The following COA1 variants were observed in gnomAD, a reference collection of about 807,000 sequenced individuals.
COA1 encodes the protein cytochrome c oxidase assembly factor 1.
A neutral mutation model predicts 16.0 loss-of-function variants in COA1; 13 were observed. The ratio of observed to expected loss-of-function variants is 0.81; its 90% CI spans 0.53 to 1.29. COA1 has a LOEUF of 1.29. Ranked by LOEUF, COA1 falls within the 50% of genes most tolerant of loss-of-function variation. COA1 has a pLI of 0.00. For synonymous variants in COA1, 65 were observed against 65.7 expected, an observed-to-expected ratio of 0.99 and a Z score of 0.05; for missense variants, 179 against 177.0, an observed-to-expected ratio of 1.01 and a Z score of -0.06.
chr7:43,691,256 GAAAGAAAGA>G (rs1476129360), intron 1 of COA1, among the ~76,000 whole-genome samples: 5 of 37,310 alleles, frequency 1.3e-4, no homozygotes, highest in Admixed American at 6.4e-4. Context: ...CTCAAAAAAA[GAAAGAAAGA>G]AAAGAAAGAA....
At chr7:43,634,874 T>C (rs2085601430), downstream of COA1, among the ~76,000 whole-genome samples, 3 of 152,214 alleles carry the variant, frequency 2.0e-5, no homozygotes, top group South Asian at 6.2e-4. Flanking sequence ...GTGCCTCATA[T>C]TTGCCCAATA....
intron 1 of COA1, chr7:43,649,004 C>A: frequency 5.0e-6 from 1 of 201,760 alleles, no homozygotes; most frequent in Non-Finnish European, 1.0e-5. Context: ...AAGCAAGATG[C>A]TAGCAATAAA....
intron 1 of COA1, among the ~76,000 whole-genome samples, chr7:43,700,837 C>A (rs975656528): frequency 1.3e-5 from 2 of 152,094 alleles, no homozygotes; most frequent in Non-Finnish European, 2.9e-5. Flanking sequence ...GAAGTAGGTA[C>A]ATCTCAGGCT....
At chr7:43,708,784 A>G (rs849176) in intron 1 of COA1, among the ~76,000 whole-genome samples, 57,188 of 151,488 alleles carry the variant, frequency 0.38, 10,804 homozygotes, top group South Asian at 0.54. Flanking sequence ...CCTTTTTCTC[A>G]CTGATTTGTA....
At chr7:43,609,361 G>C (rs2082671052) in exon 7 of COA1, 1 of 152,340 alleles carries the variant, frequency 6.6e-6, no homozygotes, top group East Asian at 1.9e-4. Context: ...TTGGTGTAGG[G>C]CTTTGGCTTT....
chr7:43,638,078 CACTG>C (rs2086204815), downstream of COA1, among the ~76,000 whole-genome samples: 1 of 152,182 alleles, frequency 6.6e-6, no homozygotes, highest in Admixed American at 6.5e-5. Flanking sequence ...TATCTGAACA[CACTG>C]ACAAAAGTGC....
At position 43,663,640 on chromosome 7, in the gene COA1, G is replaced by A. The variant is rs2092643630; in HGVS notation, c.-38-14988C>T. On this transcript the variant is annotated intron_variant, in intron 1 of 5. Coordinates refer to ENST00000223336, the MANE Select transcript of COA1 (RefSeq NM_018224.4). ...ACCATGATCATGCCACTCCACTCCAGCCTCTGCGACATAAAGACCCTATCT... is the reference window on the plus strand; with the variant it reads ...ACCATGATCATGCCACTCCACTCCAACCTCTGCGACATAAAGACCCTATCT... 3.6e-5 allele frequency among the ~76,000 whole-genome samples: 4 copies of A among 111,904 alleles called. No homozygotes were observed. The Admixed American group carries it at 5.2e-4, about 14-fold the overall frequency. The allele number at this position is 111,904 out of a possible 152,430, so 73.4% of individuals were successfully genotyped here.
chr7:43,705,625 G>C (rs1427703133), intron 1 of COA1, among the ~76,000 whole-genome samples: 2 of 152,194 alleles, frequency 1.3e-5, no homozygotes, highest in African/African-American at 4.8e-5. Flanking sequence ...ACAAAGGCTA[G>C]AGCTGCCTAG....
intron 4 of COA1, among the ~76,000 whole-genome samples, chr7:43,642,946 TAAAG>T (rs1211764880): frequency 1.3e-5 from 2 of 152,160 alleles, no homozygotes; most frequent in African/African-American, 2.4e-5. Flanking sequence ...CCGCTGATTA[TAAAG>T]AAAGGACCCT....
At chr7:43,646,573 A>G (rs1454761766) in intron 3 of COA1, 2 of 456,604 alleles carry the variant, frequency 4.4e-6, no homozygotes, top group African/African-American at 4.0e-5. Context: ...TCACCGACTT[A>G]GCAGCCTCCT....
At chr7:43,634,230 C>T (rs549153484) in intron 6 of COA1, among the ~76,000 whole-genome samples, 86 of 152,202 alleles carry the variant, frequency 5.7e-4, no homozygotes, top group Middle Eastern at 3.4e-3. Flanking sequence ...TTGACATTTG[C>T]CTGGTTCTTG....
At chr7:43,710,375 A>AAAAAAATATATATATATATAT (rs761592421) in intron 1 of COA1, among the ~76,000 whole-genome samples, 2 of 36,434 alleles carry the variant, frequency 5.5e-5, no homozygotes, top group Admixed American at 4.7e-4. Context: ...AAAAAAAAAA[A>AAAAAAATATATATATATATAT]ATATATATAT....
At chr7:43,694,272 A>G (rs1474131280) in intron 1 of COA1, among the ~76,000 whole-genome samples, 2 of 149,248 alleles carry the variant, frequency 1.3e-5, no homozygotes, top group Non-Finnish European at 3.0e-5. Flanking sequence ...AAAAAAAAAA[A>G]GCACTCTTAA....
At chr7:43,671,664 A>G (rs2093271890) in intron 1 of COA1, among the ~76,000 whole-genome samples, 1 of 152,190 alleles carries the variant, frequency 6.6e-6, no homozygotes, top group Non-Finnish European at 1.5e-5. Flanking sequence ...ATATTTGCAA[A>G]CTACGTGATA....
intron 1 of COA1, among the ~76,000 whole-genome samples, chr7:43,699,389 T>TA (rs1392842819): frequency 3.9e-5 from 6 of 152,194 alleles, no homozygotes; most frequent in Admixed American, 3.9e-4. Context: ...ATTACAGAGT[T>TA]AATTATGTCT....
At chr7:43,707,475 G>A (rs2131601695) in intron 1 of COA1, among the ~76,000 whole-genome samples, 1 of 152,186 alleles carries the variant, frequency 6.6e-6, no homozygotes, top group East Asian at 1.9e-4. Flanking sequence ...CCTAGAAATT[G>A]AGGACTGCCA....
At chr7:43,645,642 C>T (rs920955912) in intron 3 of COA1, 2 of 404,476 alleles carry the variant, frequency 4.9e-6, no homozygotes, top group Non-Finnish European at 9.2e-6. Flanking sequence ...CTCATGCAGA[C>T]CCTTTCTGCT....
intron 1 of COA1, among the ~76,000 whole-genome samples, chr7:43,724,229 A>G (rs2095566253): frequency 1.3e-5 from 2 of 152,236 alleles, no homozygotes; most frequent in South Asian, 2.1e-4. Flanking sequence ...CAATCCAGCA[A>G]TTCCACTTCT....
At chr7:43,646,147 A>G (rs1315040206) in intron 3 of COA1, 1 of 159,272 alleles carries the variant, frequency 6.3e-6, no homozygotes, top group Non-Finnish European at 1.4e-5. Flanking sequence ...TGAAGGTCCC[A>G]TCACACTAAT....
Sources: gnomAD v4.1 joint callset for allele counts (sites outside exome capture counted in the v4.1 genomes callset) on GRCh38, gnomAD v4.1.1 for gene constraint, MANE v1.5 for transcripts, NCBI Gene and HGNC (gene_info 2026-07-23, HGNC 2026-07-21) for gene names.